TNR: variants seen among roughly 807,000 people sequenced by gnomAD.
TNR encodes the protein tenascin-R.
In TNR, 45 loss-of-function variants were observed where a neutral mutation model predicts 150.4. The observed-to-expected ratio is 0.30, with a 90% CI of 0.24 to 0.38. The LOEUF is 0.38. Among genes scored for constraint, TNR ranks in the 10% least tolerant of loss-of-function variants. The pLI is 1.00. For missense variants in TNR, 1,544 were observed against 1,759.1 expected (o/e 0.88, Z 2.19); for synonymous variants, 687 against 678.4 (o/e 1.01, Z -0.20).
intron 2 of TNR, among the ~76,000 whole-genome samples, chr1:175,514,269 C>T (rs898103159): frequency 5.9e-5 from 9 of 152,194 alleles, no homozygotes; most frequent in Non-Finnish European, 1.3e-4. Flanking sequence ...TCAGCCATTG[C>T]TGGCTTTGAT....
chr1:175,357,176 G>A (rs558412484), intron 15 of TNR, among the ~76,000 whole-genome samples: 2 of 152,246 alleles, frequency 1.3e-5, no homozygotes, highest in African/African-American at 4.8e-5. Context: ...CATTGATTGA[G>A]TTTTGGGCCA....
intron 19 of TNR, among the ~76,000 whole-genome samples, chr1:175,336,535 G>A (rs1256194808): frequency 6.6e-6 from 1 of 152,260 alleles, no homozygotes; most frequent in Non-Finnish European, 1.5e-5. Context: ...TCCAGCTAAT[G>A]TTGGGCTGCT....
At chr1:175,582,018 C>A (rs141651603) in intron 1 of TNR, among the ~76,000 whole-genome samples, 1 of 152,152 alleles carries the variant, frequency 6.6e-6, no homozygotes, top group African/African-American at 2.4e-5. Context: ...GATGCTTCAA[C>A]CTACTAAACT....
At chr1:175,441,134 A>AACAATTAACATGATGCCTGGC (rs1215807547) in intron 2 of TNR, among the ~76,000 whole-genome samples, 2 of 152,216 alleles carry the variant, frequency 1.3e-5, no homozygotes, top group African/African-American at 4.8e-5. Context: ...TCTTGTCCCC[A>AACAATTAACATGATGCCTGGC]ACAATTAACA....
chr1:175,669,064 C>T (rs532657230), intron 1 of TNR, among the ~76,000 whole-genome samples: 2 of 152,324 alleles, frequency 1.3e-5, no homozygotes, highest in South Asian at 4.1e-4. Context: ...CAGAGGCCCT[C>T]CTCCTTTGTC....
intron 1 of TNR, among the ~76,000 whole-genome samples, chr1:175,689,370 G>GT (rs34836779): frequency 3.9e-5 from 6 of 152,008 alleles, no homozygotes; most frequent in African/African-American, 1.5e-4. Context: ...TCTACCCCAG[G>GT]TTTTTTTCCC....
In TNR at chr1:175,403,539, C is replaced by T; in HGVS notation, c.577G>A (p.Gly193Ser). The T allele has an allele frequency of 1.2e-6, 2 of 1,614,212 alleles. No individual in the cohort carries two copies. The highest frequency in any genetic ancestry group is 1.7e-6 in the Non-Finnish European group (2 of 1,180,048). Reference protein sequence around the residue: ...FESCGCICNEGWFGKNCSEPY... With the variant: ...FESCGCICNESWFGKNCSEPY... Reference sequence around the variant, plus strand: ...TCCGAGCAATTCTTGCCAAACCAGCCTTCGTTGCAGATGCAGCCACAGGAC... The same window carrying T: ...TCCGAGCAATTCTTGCCAAACCAGCTTTCGTTGCAGATGCAGCCACAGGAC... Residue 193 changes from glycine (G) to serine (S), a missense_variant, in exon 4 of 23, where the codon GGC becomes AGC. Transcript: ENST00000367674.
chr1:175,593,842 G>A (rs1293557262), intron 1 of TNR, among the ~76,000 whole-genome samples: 1 of 152,166 alleles, frequency 6.6e-6, no homozygotes, highest in Non-Finnish European at 1.5e-5. Context: ...ACAGCACCAA[G>A]TGTCCTCCCA....
intron 18 of TNR, among the ~76,000 whole-genome samples, chr1:175,338,953 T>G (rs1650384148): frequency 6.6e-6 from 1 of 152,242 alleles, no homozygotes; most frequent in Admixed American, 6.5e-5. Flanking sequence ...GAGGGCGCAC[T>G]GGCCTAACGT....
chr1:175,693,733 A>G (rs1050692853), intron 1 of TNR, among the ~76,000 whole-genome samples: 1 of 152,186 alleles, frequency 6.6e-6, no homozygotes, highest in Non-Finnish European at 1.5e-5. Flanking sequence ...AATGCGCCCA[A>G]TCTCATCTGA....
At chr1:175,328,809 G>A (rs1192211235) in intron 21 of TNR, among the ~76,000 whole-genome samples, 3 of 152,220 alleles carry the variant, frequency 2.0e-5, no homozygotes, top group Non-Finnish European at 4.4e-5. Context: ...GGATGAAGAG[G>A]AGGGAGGGAG....
intron 1 of TNR, among the ~76,000 whole-genome samples, chr1:175,589,789 T>C (rs902668748): frequency 6.6e-5 from 10 of 151,458 alleles, no homozygotes; most frequent in African/African-American, 2.4e-4. Context: ...TAAGCGGGAG[T>C]TGAACAATGA....
At chr1:175,439,752 C>T (rs1655692646) in intron 2 of TNR, among the ~76,000 whole-genome samples, 2 of 152,218 alleles carry the variant, frequency 1.3e-5, no homozygotes, top group Admixed American at 1.3e-4. Flanking sequence ...GACATTTATG[C>T]AGCCAAAAAA....
chr1:175,674,237 A>G (rs1438704102), intron 1 of TNR, among the ~76,000 whole-genome samples: 1 of 152,224 alleles, frequency 6.6e-6, no homozygotes, highest in East Asian at 1.9e-4. Context: ...AAGTGTAGAA[A>G]GAAAGGCTGG....
At chr1:175,440,702 G>A (rs945990256) in intron 2 of TNR, among the ~76,000 whole-genome samples, 2 of 151,994 alleles carry the variant, frequency 1.3e-5, no homozygotes, top group African/African-American at 2.4e-5. Flanking sequence ...TGTCGGGGGA[G>A]GATTCAGTTC....
rs923343754 is a variant in TNR, at chr1:175,605,635, C to T, written c.-164-77266G>A. 2.6e-5 allele frequency among the ~76,000 whole-genome samples: 4 copies of T among 152,300 alleles called. No individual in the cohort carries two copies. The South Asian group carries it at 6.2e-4, about 24-fold the overall frequency. On this transcript the variant is annotated intron_variant, in intron 1 of 22. Coordinates refer to ENST00000367674, the MANE Select transcript of TNR (RefSeq NM_003285.3). ...CCACAGGAGACCAGAAAAGACATCCCTGTTTCATTCTTAAAATTTCTTTTC... is the reference window on the plus strand; with the variant it reads ...CCACAGGAGACCAGAAAAGACATCCTTGTTTCATTCTTAAAATTTCTTTTC...
chr1:175,480,020 G>T (rs952036385), intron 2 of TNR, among the ~76,000 whole-genome samples: 1 of 152,054 alleles, frequency 6.6e-6, no homozygotes, highest in Non-Finnish European at 1.5e-5. Flanking sequence ...GTAGGAGAAG[G>T]AGCAGAGGGA....
At chr1:175,728,847 T>G (rs982617496) in intron 1 of TNR, among the ~76,000 whole-genome samples, 2 of 152,226 alleles carry the variant, frequency 1.3e-5, no homozygotes, top group Non-Finnish European at 2.9e-5. Flanking sequence ...GAGCTTTGCA[T>G]AAGTGATATT....
Position 175,729,784 on chromosome 1 carries a change from G to T in TNR, c.-165+13442C>A, listed in dbSNP as rs149647144. ...GCCTTAGGTTGTTAAAACAAGAAGA[G>T]CACAGCATCCCCTGGAATTCTACTG... On this transcript the variant is annotated intron_variant, in intron 1 of 22. Transcript: ENST00000367674. Among the ~76,000 whole-genome samples the T allele has an allele frequency of 9.9e-4, 151 of 152,280 alleles. 1 individual carries two copies. The Middle Eastern group carries it at 0.014, about 14-fold the overall frequency.
Sources: allele counts gnomAD v4.1 joint callset (sites outside exome capture counted in the v4.1 genomes callset), GRCh38; gene constraint gnomAD v4.1.1; transcripts MANE v1.5; gene names NCBI Gene and HGNC (gene_info 2026-07-23, HGNC 2026-07-21).